SUN1: variants seen among roughly 807,000 people sequenced by gnomAD.
SUN1 encodes the protein Sad1 and UNC84 domain containing 1, also known as SUN domain-containing protein 1.
SUN1 carries 61 observed loss-of-function variants against 103.2 expected under a neutral mutation model. The ratio of observed to expected loss-of-function variants is 0.59; its 90% confidence interval spans 0.48 to 0.73. The LOEUF is 0.73. Among genes scored for constraint, SUN1 ranks in the 30% least tolerant of loss-of-function variants. The probability of loss-of-function intolerance (pLI) is 0.00; values close to 1 mark genes in which losing one functional copy is unlikely to be tolerated. For missense variants in SUN1, 1,052 were observed against 1,034.6 expected (o/e 1.02, Z -0.23); for synonymous variants, 490 against 425.7 (o/e 1.15, Z -1.86).
In SUN1 at chr7:859,152, CAAAAAAAAAAAA is replaced by C. The variant is rs140482514; in HGVS notation, c.1525-971_1525-960del. On this transcript the variant is annotated intron_variant, in intron 13 of 18. Transcript: ENST00000401592. Reference sequence around the variant, plus strand: ...TGGGTGACAGAGCAAGACTCCGTCTCAAAAAAAAAAAAAAAAGAAAAAGAAAAAGCATGTCAC... The same window carrying C: ...TGGGTGACAGAGCAAGACTCCGTCTCAAAAGAAAAAGAAAAAGCATGTCAC... Among the ~76,000 whole-genome samples, 3 of 88,704 alleles carry C rather than the reference CAAAAAAAAAAAA, an allele frequency of 3.4e-5. No homozygotes were observed. In the South Asian group the frequency reaches 1.1e-3, roughly 31 times the overall value. 58.2% of individuals were successfully genotyped at this position (88,704 alleles called of 152,430 possible).
At chr7:841,914 T>G in intron 2 of SUN1, 32 bp from the exon 3 acceptor site, 1 of 1,607,374 alleles carries the variant, frequency 6.2e-7, no homozygotes, top group Non-Finnish European at 8.5e-7. Context: ...CTAGAAAAGA[T>G]CTATAAACTT....
chr7:858,814 C>T (rs1254899969), intron 13 of SUN1, among the ~76,000 whole-genome samples: 1 of 152,170 alleles, frequency 6.6e-6, no homozygotes, highest in Non-Finnish European at 1.5e-5. Flanking sequence ...CTCTGATGTG[C>T]AGAGAGCCCC....
Position 853,550 on chromosome 7 carries a change from C to G in SUN1, c.1195C>G (p.Gln399Glu). ...ACAGAAGCTGCAGGCTCGGGTGGAC[C>G]AGATGGAAGGCGGCGCTGCCGGGCC... ...LLQKLQARVD[Q>E]MEGGAAGPSA... The change falls in exon 10 of 19, where the codon CAG (glutamine) becomes GAG (glutamate). Residue 399 changes from glutamine (Q) to glutamate (E), a missense_variant. Transcript: ENST00000401592. The G allele has an allele frequency of 6.2e-7, 1 of 1,612,830 alleles. No individual in the cohort carries two copies.
intron 5 of SUN1, among the ~76,000 whole-genome samples, chr7:846,112 G>A (rs900258667): frequency 2.6e-5 from 4 of 151,958 alleles, no homozygotes; most frequent in Non-Finnish European, 2.9e-5. Context: ...TTTTTTGTTT[G>A]TTTGTTTGTT....
rs141575547 is a variant in SUN1 at position 822,490 on chromosome 7, C to A, written c.-74+5817C>A. ...GTCCCTACGGTGGGGAGACACCCCT[C>A]GGGCATGTGTAGTTTGAACACAGAG... On this transcript the variant is annotated intron_variant, in intron 1 of 17. Coordinates refer to the SUN1 transcript ENST00000389574. Among the ~76,000 whole-genome samples, 5 of 152,290 alleles carry A rather than the reference C, an allele frequency of 3.3e-5. No homozygotes were observed. In the East Asian group the frequency reaches 7.7e-4, roughly 23 times the overall value.
intron 1 of SUN1, among the ~76,000 whole-genome samples, chr7:823,054 G>A (rs942620975): frequency 7.2e-5 from 11 of 152,272 alleles, no homozygotes; most frequent in Non-Finnish European, 1.0e-4. Context: ...TTTCCGGAGC[G>A]TAGTCAGGTA....
Position 843,394 on chromosome 7 carries a change from A to T in SUN1, c.532A>T (p.Thr178Ser), listed in dbSNP as rs751667155. 1 of 1,611,644 alleles carries T rather than the reference A, an allele frequency of 6.2e-7. No individual in the cohort carries two copies. The highest frequency in any genetic ancestry group is 1.1e-5 in the South Asian group (1 of 90,762). Reference sequence around the variant, plus strand: ...CGGGGATGTGGGAGCCGCCGCCGCCACCGCGCACAACGGCTTCTCCTGCAG... The same window carrying T: ...CGGGGATGTGGGAGCCGCCGCCGCCTCCGCGCACAACGGCTTCTCCTGCAG... ...GNGDVGAAAA[T>S]AHNGFSCSNC... is the part of the protein sequence containing the mutation. The change falls in exon 5 of 19, where the codon ACC (threonine) becomes TCC (serine). Residue 178 changes from threonine to serine, a missense_variant. Coordinates refer to ENST00000401592, the MANE Select transcript of SUN1 (RefSeq NM_001130965.3).
At chr7:853,300 G>A (rs535679830) in intron 9 of SUN1, 109 bp from the exon 10 acceptor site, 98 of 1,266,596 alleles carry the variant, frequency 7.7e-5, no homozygotes, top group South Asian at 3.6e-4. Context: ...TTCGTGTGCC[G>A]TGCGCCCCAG....
rs562123803 is a variant in SUN1 at position 843,708 on chromosome 7, G to T, written c.658+188G>T. 29 of 1,435,626 alleles carry T rather than the reference G, an allele frequency of 2.0e-5. No individual in the cohort carries two copies. The African/African-American group carries it at 4.2e-4, about 21-fold the overall frequency. 88.9% of individuals were successfully genotyped at this position (1,435,626 alleles called of 1,614,324 possible). A position where few individuals can be genotyped will look rare whatever the true frequency, so the allele number is the denominator to read the frequency against. The stretch of plus-strand genomic sequence containing the variant: ...TTCTAGTTTACATTTTATGTGGTTA[G>T]TAATTTTGTACCTAAAAGTATTTGA... On this transcript the variant is annotated intron_variant, in intron 5 of 18. Transcript: ENST00000401592.
intron 3 of SUN1, chr7:842,776 C>T (rs932715647): frequency 8.2e-6 from 2 of 243,624 alleles, no homozygotes; most frequent in African/African-American, 4.6e-5. Context: ...CAGATTAGTT[C>T]CAGAGATCAC....
At chr7:833,109 C>T (rs1799453298) in intron 1 of SUN1, 1 of 153,178 alleles carries the variant, frequency 6.5e-6, no homozygotes, top group African/African-American at 2.4e-5. Context: ...GCTGCCCTGC[C>T]CCTTCTGCTT....
At position 873,784 on chromosome 7, in the gene SUN1, T is replaced by G. The variant is rs567373194; in HGVS notation, c.*453T>G. 1.3e-5 allele frequency: 2 copies of G among 154,372 alleles called. No individual in the cohort carries two copies. Among genetic ancestry groups the G allele is most frequent in the Non-Finnish European group, 2.9e-5 (2 of 69,266 alleles). The allele number at this position is 154,372 out of a possible 1,614,324, so 9.6% of individuals were successfully genotyped here. A position where few individuals can be genotyped will look rare whatever the true frequency, so the allele number is the denominator to read the frequency against. ...CAGGGAAAAACAATGTCACCAAATT[T>G]TCAGAGTTCTAAACTCCTTTCCTTC... On this transcript the variant is annotated 3_prime_UTR_variant, in exon 19 of 19. Coordinates refer to ENST00000401592, the MANE Select transcript of SUN1 (RefSeq NM_001130965.3).
intron 1 of SUN1, among the ~76,000 whole-genome samples, chr7:822,936 G>A (rs1050126963): frequency 3.3e-5 from 5 of 151,844 alleles, no homozygotes; most frequent in South Asian, 4.2e-4. Context: ...ACACACACAC[G>A]GCCCTGTGGC....
At chr7:819,819 C>T (rs1290864798) in intron 1 of SUN1, among the ~76,000 whole-genome samples, 1 of 151,646 alleles carries the variant, frequency 6.6e-6, no homozygotes, top group East Asian at 1.9e-4. Flanking sequence ...AACGCTTCTC[C>T]CGCCTCAGCC....
chr7:820,824 C>G (rs1280248800), intron 1 of SUN1, among the ~76,000 whole-genome samples: 1 of 152,164 alleles, frequency 6.6e-6, no homozygotes. Flanking sequence ...CTAATTGCTT[C>G]TTGAAAAGAT....
intron 15 of SUN1, among the ~76,000 whole-genome samples, chr7:864,066 G>A (rs1834330704): frequency 6.6e-6 from 1 of 152,116 alleles, no homozygotes; most frequent in Non-Finnish European, 1.5e-5. Context: ...TCAAACTTAT[G>A]TATTTTAATG....
chr7:823,473 G>A (rs1306665642), intron 1 of SUN1, among the ~76,000 whole-genome samples: 1 of 138,092 alleles, frequency 7.2e-6, no homozygotes, highest in African/African-American at 3.0e-5. Context: ...GGCACCTCAG[G>A]CAGGAGGACA....
rs1428009270 is a variant in SUN1, at chr7:847,860, C to T, written c.659-3524C>T. ...CAGCGCCGTGCGCCAGCGGAGTTGG[C>T]GGCCTTCCCCTGGGGGTTACCCCGC... On this transcript the variant is annotated intron_variant, in intron 5 of 18. Transcript: ENST00000401592. Among the ~76,000 whole-genome samples, 61 of 148,630 alleles carry T rather than the reference C, an allele frequency of 4.1e-4. 1 individual carries two copies. The highest frequency in any genetic ancestry group is 9.0e-4 in the African/African-American group (36 of 40,184).
chr7:846,237 T>C (rs1166459525), intron 5 of SUN1, among the ~76,000 whole-genome samples: 1 of 151,676 alleles, frequency 6.6e-6, no homozygotes, highest in Non-Finnish European at 1.5e-5. Flanking sequence ...GCCTCCTGAG[T>C]AGCTGGGACT....
Sources: gnomAD v4.1 joint callset for allele counts (sites outside exome capture counted in the v4.1 genomes callset) on GRCh38, gnomAD v4.1.1 for gene constraint, MANE v1.5 for transcripts, NCBI Gene and HGNC (gene_info 2026-07-23, HGNC 2026-07-21) for gene names.